Variants in MYCBP2 observed in about 807,000 individuals in gnomAD.
MYCBP2 encodes E3 ubiquitin-protein ligase MYCBP2.
Under a neutral mutation model 525.3 loss-of-function variants are expected in MYCBP2, and 120 were observed. That is an observed-to-expected ratio of 0.23 (90% CI 0.20 to 0.27). The LOEUF (loss-of-function observed/expected upper bound fraction) is 0.27. Ranked by LOEUF, MYCBP2 falls within the 10% of genes least tolerant of loss-of-function variation. The probability of loss-of-function intolerance (pLI) is 1.00; values close to 1 mark genes in which losing one functional copy is unlikely to be tolerated. For synonymous variants in MYCBP2, 1,894 were observed against 1,955.8 expected, an observed-to-expected ratio of 0.97 and a Z score of 0.83; for missense variants, 4,149 against 5,657.1, an observed-to-expected ratio of 0.73 and a Z score of 8.55.
chr13:77,070,727 G>GAAAAAA lies in MYCBP2; in HGVS notation c.11824-22_11824-17dup, dbSNP rs71749271. Reference sequence around the variant, plus strand: ...CTGATGTTGCCTTTACATAGAAAAAGAAAAAAAAAAAAAAGAATGAAGTGG... The same window carrying GAAAAAA: ...CTGATGTTGCCTTTACATAGAAAAAGAAAAAAAAAAAAAAAAAAAAGAATGAAGTGG... On this transcript the variant is annotated splice_polypyrimidine_tract_variant and intron_variant, in intron 68 of 82. Coordinates refer to ENST00000544440, the MANE Select transcript of MYCBP2 (RefSeq NM_015057.5). The GAAAAAA allele has an allele frequency of 2.2e-6, 2 of 919,640 alleles. No individual in the cohort carries two copies. The highest frequency in any genetic ancestry group is 3.0e-6 in the Non-Finnish European group (2 of 672,366). The allele number at this position is 919,640 out of a possible 1,614,324, so 57.0% of individuals were successfully genotyped here.
At chr13:77,217,721 T>G in intron 21 of MYCBP2, 119 bp downstream of exon 21, 1 of 527,350 alleles carries the variant, frequency 1.9e-6, no homozygotes, top group East Asian at 3.3e-5. Context: ...AATATGCATA[T>G]GTAACAATTA....
chr13:77,208,677 T>A (rs1282510213), intron 23 of MYCBP2, among the ~76,000 whole-genome samples: 1 of 152,194 alleles, frequency 6.6e-6, no homozygotes, highest in East Asian at 1.9e-4. Context: ...TCAGATGATA[T>A]AAATCAAACT....
intron 25 of MYCBP2, 23 bp downstream of exon 25, chr13:77,205,450 T>C (rs1275870106): frequency 6.2e-7 from 1 of 1,612,172 alleles, no homozygotes; most frequent in Non-Finnish European, 8.5e-7. Context: ...AAGACAACAT[T>C]TCCTAAACCG....
In MYCBP2 at chr13:77,206,772, G is replaced by T; in HGVS notation, c.3470C>A (p.Ala1157Asp). The T allele has an allele frequency of 1.2e-6, 2 of 1,611,000 alleles. No individual in the cohort carries two copies. Among genetic ancestry groups the T allele is most frequent in the Non-Finnish European group, 1.7e-6 (2 of 1,178,106 alleles). Residue 1157 changes from alanine (A) to aspartate (D), a missense_variant, in exon 24 of 83, where the codon GCC becomes GAC. Physicochemically the swap from Ala to Asp is moderately radical, Grantham distance 126 (BLOSUM62 -2). Coordinates refer to ENST00000544440, the MANE Select transcript of MYCBP2 (RefSeq NM_015057.5). ...LWCYNAVVAD[A>D]RLPSAADMQS... The stretch of plus-strand genomic sequence containing the variant: ...CATGTCTGCTGCAGAGGGAAGCCTG[G>T]CATCAGCAACCACCGCATTGTAACA...
intron 52 of MYCBP2, among the ~76,000 whole-genome samples, chr13:77,132,561 T>A (rs1015176777): frequency 2.6e-5 from 4 of 152,148 alleles, no homozygotes; most frequent in African/African-American, 9.6e-5. Flanking sequence ...GAAACTCAAT[T>A]CTGTAAGAAT....
At chr13:77,077,425 T>G (rs754565850) in intron 66 of MYCBP2, 38 bp from the exon 67 acceptor site, 3 of 1,610,326 alleles carry the variant, frequency 1.9e-6, no homozygotes, top group Non-Finnish European at 1.7e-6. Context: ...CTGATTCAGC[T>G]GGATCACTTT....
At chr13:77,173,877 G>T (rs1354018594) in intron 37 of MYCBP2, among the ~76,000 whole-genome samples, 1 of 152,150 alleles carries the variant, frequency 6.6e-6, no homozygotes, top group African/African-American at 2.4e-5. Flanking sequence ...GCCCCAGGGG[G>T]CAGGTCCAAG....
At chr13:77,047,026 A>AAATATTTT in intron 82 of MYCBP2, among the ~76,000 whole-genome samples, 1 of 152,222 alleles carries the variant, frequency 6.6e-6, no homozygotes, top group Non-Finnish European at 1.5e-5. Context: ...GGAAAAAATG[A>AAATATTTT]GTCATTTACT....
At chr13:77,142,482 A>G (rs111744353) in intron 49 of MYCBP2, among the ~76,000 whole-genome samples, 7 of 152,314 alleles carry the variant, frequency 4.6e-5, no homozygotes, top group African/African-American at 1.4e-4. Context: ...CAATTACATC[A>G]ATGTAAAGTA....
chr13:77,313,615 T>G (rs2080543440), intron 1 of MYCBP2, among the ~76,000 whole-genome samples: 1 of 151,988 alleles, frequency 6.6e-6, no homozygotes, highest in South Asian at 2.1e-4. Flanking sequence ...ATTAATAAGC[T>G]GAATACTAAA....
chr13:77,049,649 CTTTT>C (rs901299086), intron 82 of MYCBP2, among the ~76,000 whole-genome samples: 5 of 146,526 alleles, frequency 3.4e-5, no homozygotes, highest in Non-Finnish European at 7.6e-5. Context: ...CTGCAATTTG[CTTTT>C]TTTTTTTGAA....
rs988968943 is a variant in MYCBP2, at chr13:77,055,916, G to A, written c.13438-149C>T. On this transcript the variant is annotated intron_variant, in intron 79 of 82. Coordinates refer to ENST00000544440, the MANE Select transcript of MYCBP2 (RefSeq NM_015057.5). Reference sequence around the variant, plus strand: ...TAAAATGTCATTTGAAAAACATTCTGTAAATTCTTTAGAAGCCCATATTTT... The same window carrying A: ...TAAAATGTCATTTGAAAAACATTCTATAAATTCTTTAGAAGCCCATATTTT... The A allele has an allele frequency of 9.3e-6, 6 of 645,160 alleles. No homozygotes were observed. The African/African-American group carries it at 1.1e-4, about 12-fold the overall frequency. The allele number at this position is 645,160 out of a possible 1,614,324, so 40.0% of individuals were successfully genotyped here.
At chr13:77,287,376 G>C (rs919228359) in intron 3 of MYCBP2, among the ~76,000 whole-genome samples, 8 of 151,318 alleles carry the variant, frequency 5.3e-5, no homozygotes, top group African/African-American at 1.9e-4. Flanking sequence ...GTAGAGACAG[G>C]GTTTCACCAT....
chr13:77,050,167 G>C (rs1404877332), intron 82 of MYCBP2, among the ~76,000 whole-genome samples: 1 of 152,132 alleles, frequency 6.6e-6, no homozygotes, highest in Non-Finnish European at 1.5e-5. Context: ...TCCCTGAAGA[G>C]GGAGTGCTGA....
intron 37 of MYCBP2, among the ~76,000 whole-genome samples, chr13:77,171,957 G>A (rs1047186181): frequency 6.6e-6 from 1 of 152,184 alleles, no homozygotes; most frequent in Non-Finnish European, 1.5e-5. Context: ...CTGGAGTGCA[G>A]TGGCATGATC....
At chr13:77,083,972 A>C (rs1410023509) in intron 62 of MYCBP2, among the ~76,000 whole-genome samples, 4 of 152,122 alleles carry the variant, frequency 2.6e-5, no homozygotes, top group African/African-American at 9.6e-5. Context: ...TTTTAACAAT[A>C]ATTTATCTTT....
chr13:77,096,583 A>G (rs1030167416), intron 56 of MYCBP2, 102 bp from the exon 57 acceptor site: 2 of 1,202,930 alleles, frequency 1.7e-6, no homozygotes, highest in South Asian at 1.9e-5. Context: ...TCTCAAAGAA[A>G]GCAAAATACT....
chr13:77,266,179 A>C (rs1011032972), intron 8 of MYCBP2, among the ~76,000 whole-genome samples: 1 of 152,170 alleles, frequency 6.6e-6, no homozygotes, highest in African/African-American at 2.4e-5. Flanking sequence ...TCAGAAGTAA[A>C]TCCTTGATAT....
intron 80 of MYCBP2, among the ~76,000 whole-genome samples, chr13:77,053,427 A>G (rs2037243315): frequency 1.3e-5 from 2 of 152,216 alleles, no homozygotes; most frequent in Admixed American, 1.3e-4. Context: ...CTGAGTCAAT[A>G]TAAATCTATT....
Sources: allele counts gnomAD v4.1 joint callset (sites outside exome capture counted in the v4.1 genomes callset), GRCh38; gene constraint gnomAD v4.1.1; transcripts MANE v1.5; gene names NCBI Gene and HGNC (gene_info 2026-07-23, HGNC 2026-07-21).